TTBK2: variants seen among roughly 807,000 people sequenced by gnomAD.
The protein encoded by TTBK2 is tau tubulin kinase 2, also known as tau-tubulin kinase 2.
Under a neutral mutation model 110.8 loss-of-function variants are expected in TTBK2, and 28 were observed. The ratio of observed to expected loss-of-function variants is 0.25; its 90% CI spans 0.19 to 0.35. The LOEUF (loss-of-function observed/expected upper bound fraction) is 0.35, where lower values mean the gene tolerates loss of function less well. Among genes scored for constraint, TTBK2 ranks in the 10% least tolerant of loss-of-function variants. The pLI is 1.00. For missense variants in TTBK2, 1,369 were observed against 1,500.3 expected (o/e 0.91, Z 1.45); for synonymous variants, 532 against 527.3 (o/e 1.01, Z -0.12).
chr15:42,906,226 T>G (rs2030391374), intron 1 of TTBK2, among the ~76,000 whole-genome samples: 2 of 151,790 alleles, frequency 1.3e-5, no homozygotes, highest in Admixed American at 6.6e-5. Context: ...TAATTCTGCA[T>G]GTTTCCTAAA....
At chr15:42,900,035 C>T (rs1490776683) in intron 1 of TTBK2, among the ~76,000 whole-genome samples, 1 of 151,384 alleles carries the variant, frequency 6.6e-6, no homozygotes, top group East Asian at 1.9e-4. Flanking sequence ...CTCTTGTTGC[C>T]CAGGCTGGAG....
chr15:42,753,437 A>C (rs914391169), intron 13 of TTBK2, among the ~76,000 whole-genome samples, 190 bp from the exon 14 acceptor site: 3 of 152,182 alleles, frequency 2.0e-5, no homozygotes, highest in Admixed American at 6.5e-5. Context: ...CCTACTCAGA[A>C]ACTGTGCAGA....
chr15:42,809,881 A>T (rs1047996421), intron 9 of TTBK2, among the ~76,000 whole-genome samples: 1 of 152,240 alleles, frequency 6.6e-6, no homozygotes, highest in East Asian at 1.9e-4. Flanking sequence ...ACTGCACAAC[A>T]CTGACAACAC....
At chr15:42,897,823 T>TACACACACAC (rs60880098) in intron 1 of TTBK2, among the ~76,000 whole-genome samples, 1 of 140,662 alleles carries the variant, frequency 7.1e-6, no homozygotes, top group East Asian at 2.1e-4. Flanking sequence ...CCAGTAGTGG[T>TACACACACAC]ACACACACAC....
intron 6 of TTBK2, among the ~76,000 whole-genome samples, chr15:42,825,941 T>G (rs1892515949): frequency 6.6e-6 from 1 of 152,124 alleles, no homozygotes; most frequent in African/African-American, 2.4e-5. Flanking sequence ...ACATGCCATT[T>G]CTTAACCTAG....
chr15:42,904,460 G>C (rs544857253), intron 1 of TTBK2, among the ~76,000 whole-genome samples: 44 of 152,200 alleles, frequency 2.9e-4, no homozygotes, highest in Middle Eastern at 3.4e-3. Flanking sequence ...CTGTAAGACA[G>C]AAATTAAATA....
intron 3 of TTBK2, among the ~76,000 whole-genome samples, chr15:42,868,852 C>A (rs912382856): frequency 2.7e-5 from 4 of 147,766 alleles, no homozygotes; most frequent in Non-Finnish European, 4.4e-5. Flanking sequence ...CAGAGTGAGA[C>A]CTTGTCTCAA....
chr15:42,767,241 A>C (rs1260926221), intron 13 of TTBK2, among the ~76,000 whole-genome samples: 1 of 152,208 alleles, frequency 6.6e-6, no homozygotes, highest in Admixed American at 6.5e-5. Context: ...AGCAAGAGCA[A>C]ACACATTCAA....
intron 1 of TTBK2, among the ~76,000 whole-genome samples, chr15:42,915,699 C>T (rs2141221452): frequency 6.6e-6 from 1 of 152,302 alleles, no homozygotes; most frequent in Middle Eastern, 3.4e-3. Flanking sequence ...ATAATTCCTG[C>T]ACTTTGGGAG....
chr15:42,763,688 A>G (rs763900859), intron 13 of TTBK2, among the ~76,000 whole-genome samples: 136 of 152,274 alleles, frequency 8.9e-4, no homozygotes, highest in Non-Finnish European at 1.4e-3. Context: ...ATTATGTGCC[A>G]ATTATAACTT....
At chr15:42,794,517 G>T in intron 10 of TTBK2, 127 bp downstream of exon 10, 1 of 1,293,978 alleles carries the variant, frequency 7.7e-7, no homozygotes, top group Non-Finnish European at 1.1e-6. Context: ...ATGTTAATTC[G>T]AGGAGATCCA....
intron 3 of TTBK2, among the ~76,000 whole-genome samples, chr15:42,868,844 G>C (rs1436981253): frequency 2.0e-5 from 3 of 151,158 alleles, no homozygotes; most frequent in Non-Finnish European, 4.4e-5. Flanking sequence ...CTGGACGACA[G>C]AGTGAGACCT....
At chr15:42,816,249 T>C (rs1375143204) in intron 7 of TTBK2, among the ~76,000 whole-genome samples, 1 of 149,328 alleles carries the variant, frequency 6.7e-6, no homozygotes, top group Admixed American at 6.8e-5. Flanking sequence ...CCTGAGTAGC[T>C]GGGACTACAG....
rs2061788829 is a variant in TTBK2 at position 42,745,995 on chromosome 15, T to G, written c.3535A>C (p.Arg1179=). ...CTCCCCAGATGTGGGGACGAACTCC[T>G]CTGGTCATGGTGGGGCCGTCCAGCC... ...SRAGRPHHDQ[R]SSSPHLGRSK... is the part of the protein sequence containing the mutation. The change falls in exon 15 of 15, where the codon AGG becomes CGG. Residue 1179 remains arginine, a synonymous_variant. Coordinates refer to ENST00000267890, the MANE Select transcript of TTBK2 (RefSeq NM_173500.4). 1 of 1,614,034 alleles carries G rather than the reference T, an allele frequency of 6.2e-7. No homozygotes were observed.
intron 1 of TTBK2, among the ~76,000 whole-genome samples, chr15:42,912,383 G>A (rs2030812565): frequency 6.6e-6 from 1 of 152,202 alleles, no homozygotes; most frequent in South Asian, 2.1e-4. Flanking sequence ...CCAAATAGCA[G>A]TTTTATAACT....
At chr15:42,852,267 C>T (rs1007061370) in intron 3 of TTBK2, among the ~76,000 whole-genome samples, 2 of 151,964 alleles carry the variant, frequency 1.3e-5, no homozygotes, top group South Asian at 2.1e-4. Context: ...CGGGGTTTTA[C>T]CATGTTGGCC....
intron 6 of TTBK2, among the ~76,000 whole-genome samples, chr15:42,827,609 G>C (rs1295684586): frequency 6.6e-6 from 1 of 152,076 alleles, no homozygotes; most frequent in Non-Finnish European, 1.5e-5. Flanking sequence ...ATTTGGGAGT[G>C]GATTAAAAAG....
At chr15:42,777,666 T>G (rs934639906) in intron 11 of TTBK2, among the ~76,000 whole-genome samples, 2 of 152,136 alleles carry the variant, frequency 1.3e-5, no homozygotes, top group Non-Finnish European at 2.9e-5. Context: ...TTTCTCATTC[T>G]CCCTCTAAAA....
At chr15:42,802,332 G>A (rs1023826694) in intron 9 of TTBK2, 1 of 770,116 alleles carries the variant, frequency 1.3e-6, no homozygotes, top group Non-Finnish European at 2.4e-6. Context: ...GCCCACTCGT[G>A]TAGGAGAGGC....
Sources: gnomAD v4.1 joint callset for allele counts (sites outside exome capture counted in the v4.1 genomes callset) on GRCh38, gnomAD v4.1.1 for gene constraint, MANE v1.5 for transcripts, NCBI Gene and HGNC (gene_info 2026-07-23, HGNC 2026-07-21) for gene names.